RUFY1: variants seen among roughly 807,000 people sequenced by gnomAD.
The protein encoded by RUFY1 is RUN and FYVE domain-containing protein 1.
Under a neutral mutation model 94.6 loss-of-function variants are expected in RUFY1, and 54 were observed. The ratio of observed to expected loss-of-function variants is 0.57; its 90% CI spans 0.46 to 0.72. RUFY1 has a LOEUF of 0.72. Among genes scored for constraint, RUFY1 ranks in the 30% least tolerant of loss-of-function variants. The pLI, the probability that RUFY1 is intolerant of heterozygous loss-of-function variation, is 0.00. For missense variants in RUFY1, 883 were observed against 883.9 expected, an observed-to-expected ratio of 1.00 and a Z score of 0.01; for synonymous variants, 396 against 347.3, an observed-to-expected ratio of 1.14 and a Z score of -1.56.
In RUFY1 at chr5:179,593,495, G is replaced by A. The variant is rs1011801970; in HGVS notation, c.1263G>A (p.Leu421=). The part of the protein sequence containing the change: ...KKVRLELEKE[L]ELQIGMKTEM... The stretch of plus-strand genomic sequence containing the variant: ...CTTTTAAGGAACTGGAAAAAGAACT[G>A]GAGTTACAAATTGGAATGAAAACCG... The change falls in exon 11 of 18, where the codon CTG becomes CTA. Residue 421 remains leucine (L), a synonymous_variant. Transcript: ENST00000319449. 1.9e-6 allele frequency: 3 copies of A among 1,596,066 alleles called. No homozygotes were observed. The highest frequency in any genetic ancestry group is 2.6e-6 in the Non-Finnish European group (3 of 1,163,516).
intron 7 of RUFY1, among the ~76,000 whole-genome samples, chr5:179,582,298 C>T (rs969731600): frequency 1.3e-5 from 2 of 152,020 alleles, no homozygotes; most frequent in Admixed American, 6.6e-5. Context: ...AATCGTGGCT[C>T]ACTGCAGCCT....
At chr5:179,595,265 G>C (rs1014005712) in intron 12 of RUFY1, among the ~76,000 whole-genome samples, 1 of 152,190 alleles carries the variant, frequency 6.6e-6, no homozygotes, top group South Asian at 2.1e-4. Context: ...GGATCACGAG[G>C]TCAGGAGATC....
intron 12 of RUFY1, chr5:179,596,265 A>G: frequency 2.3e-6 from 1 of 438,510 alleles, no homozygotes; most frequent in Non-Finnish European, 4.2e-6. Flanking sequence ...TTATTCTGAG[A>G]AAAAGTCAGT....
chr5:179,607,381 C>G, intron 16 of RUFY1: 1 of 590,810 alleles, frequency 1.7e-6, no homozygotes, highest in Non-Finnish European at 3.0e-6. Context: ...GAGCACGGAG[C>G]TAGGATGCAG....
chr5:179,555,621 C>CTTTTTTTTTTTT, intron 1 of RUFY1: 1 of 247,584 alleles, frequency 4.0e-6, no homozygotes, highest in African/African-American at 4.8e-5. Context: ...AAACTCCCAA[C>CTTTTTTTTTTTT]TTTTTTTTTT....
At chr5:179,608,402 G>A (rs1167061685) in intron 17 of RUFY1, 1 of 985,556 alleles carries the variant, frequency 1.0e-6, no homozygotes, top group Non-Finnish European at 1.2e-6. Context: ...CTGCCTTTGA[G>A]ATCACATGTG....
At chr5:179,599,344 G>A (rs1477714370) in intron 14 of RUFY1, 1 of 152,880 alleles carries the variant, frequency 6.5e-6, no homozygotes, top group Non-Finnish European at 1.5e-5. Context: ...GAGAGTGGGT[G>A]GTAGGCTCGC....
rs112734071 is a variant in RUFY1, at chr5:179,596,579, G to T, written c.1529G>T (p.Arg510Leu). 2 of 1,613,624 alleles carry T rather than the reference G, an allele frequency of 1.2e-6. No homozygotes were observed. Among genetic ancestry groups the T allele is most frequent in the Non-Finnish European group, 1.7e-6 (2 of 1,179,984 alleles). Residue 510 changes from arginine (R) to leucine (L), a missense_variant, in exon 13 of 18, where the codon CGG (arginine) becomes CTG (leucine). Coordinates refer to ENST00000319449, the MANE Select transcript of RUFY1 (RefSeq NM_025158.5). ...GCATCCAGGTTGCAGCACTCGGAGC[G>T]GGCGAGGCAGGGGGCTGAGGAGCGG... ...QMEERLQHSE[R>L]ARQGAEERSH...
intron 10 of RUFY1, among the ~76,000 whole-genome samples, chr5:179,592,479 C>T (rs1177152594): frequency 6.6e-6 from 1 of 152,158 alleles, no homozygotes; most frequent in Non-Finnish European, 1.5e-5. Flanking sequence ...GTCTTGAACT[C>T]CTGACCTCGT....
At chr5:179,571,504 GA>G (rs10710528) in intron 5 of RUFY1, among the ~76,000 whole-genome samples, 56,984 of 134,330 alleles carry the variant, frequency 0.42, 11,282 homozygotes, top group East Asian at 0.73. Flanking sequence ...ACTCTGTCTG[GA>G]AAAAAAAAAA....
intron 8 of RUFY1, 74 bp from the exon 9 acceptor site, chr5:179,589,472 C>T: frequency 1.0e-6 from 1 of 964,946 alleles, no homozygotes; most frequent in Admixed American, 1.9e-5. Context: ...TGTGAAGATG[C>T]CAAATTAATG....
rs754802602 is a variant in RUFY1, at chr5:179,591,714, G to C, written c.1218G>C (p.Gln406His). Residue 406 changes from glutamine (Q) to histidine (H), a missense_variant, in exon 10 of 18, where the codon CAG (glutamine) becomes CAC (histidine). By Grantham distance (24) the Gln-to-His change is conservative. Coordinates refer to ENST00000319449, the MANE Select transcript of RUFY1 (RefSeq NM_025158.5). ...AAATGTACAGTGATGTGTGGAAGCA[G>C]CTAAAAGAGGAGAAGAAAGTCCGGT... ...LDEMYSDVWK[Q>H]LKEEKKVRLE... 1.2e-6 allele frequency: 2 copies of C among 1,609,504 alleles called. No homozygotes were observed. Among genetic ancestry groups the C allele is most frequent in the South Asian group, 2.2e-5 (2 of 90,078 alleles).
At chr5:179,603,213 C>T (rs560780702) in intron 15 of RUFY1, among the ~76,000 whole-genome samples, 32 of 151,730 alleles carry the variant, frequency 2.1e-4, no homozygotes, top group African/African-American at 7.0e-4. Flanking sequence ...TGCAGTAAGC[C>T]GAGATTGCAC....
At chr5:179,571,986 A>C (rs984898235) in intron 5 of RUFY1, among the ~76,000 whole-genome samples, 3 of 151,842 alleles carry the variant, frequency 2.0e-5, no homozygotes, top group African/African-American at 7.3e-5. Context: ...AGTTTTTGGC[A>C]ACCAGATTTA....
chr5:179,604,990 A>G (rs1261884569), intron 15 of RUFY1, among the ~76,000 whole-genome samples: 1 of 150,196 alleles, frequency 6.7e-6, no homozygotes, highest in African/African-American at 2.5e-5. Flanking sequence ...TCTCAAAAAA[A>G]AAAAAGAAAA....
In RUFY1 at chr5:179,577,820, C is replaced by G. The variant is rs976851539; in HGVS notation, c.890+684C>G. Among the ~76,000 whole-genome samples, 3 of 150,384 alleles carry G rather than the reference C, an allele frequency of 2.0e-5. No individual in the cohort carries two copies. The East Asian group carries it at 5.9e-4, about 30-fold the overall frequency. ...GGATGTGCGCACATCGGGTGGTGTC[C>G]CCCGCCTGCCGAACGGGTAATGAGG... On this transcript the variant is annotated intron_variant, in intron 6 of 17. Coordinates refer to ENST00000319449, the MANE Select transcript of RUFY1 (RefSeq NM_025158.5).
intron 4 of RUFY1, 54 bp from the exon 5 acceptor site, chr5:179,569,248 T>C: frequency 6.2e-7 from 1 of 1,610,436 alleles, no homozygotes; most frequent in Non-Finnish European, 8.5e-7. Flanking sequence ...GGGGAAGGAG[T>C]GGGGATGGTG....
rs114486160 is a variant in RUFY1, at chr5:179,554,685, C to T, written c.310+3806C>T. 5.2e-3 allele frequency among the ~76,000 whole-genome samples: 782 copies of T among 151,718 alleles called. 11 individuals carry two copies. Among genetic ancestry groups the T allele is most frequent in the African/African-American group, 0.018 (748 of 41,372 alleles). On this transcript the variant is annotated intron_variant, in intron 1 of 17. Coordinates refer to ENST00000319449, the MANE Select transcript of RUFY1 (RefSeq NM_025158.5). The stretch of plus-strand genomic sequence containing the variant: ...AAATCAAACCATACAAAAGAACATT[C>T]GGACAGGCATGGTGGCTCATGCCTG...
chr5:179,593,358 C>T (rs2127557055), intron 10 of RUFY1, 120 bp from the exon 11 acceptor site: 1 of 1,175,152 alleles, frequency 8.5e-7, no homozygotes, highest in East Asian at 2.6e-5. Flanking sequence ...GGATTACAGG[C>T]ATGAGCCACC....
Sources: gnomAD v4.1 joint callset for allele counts (sites outside exome capture counted in the v4.1 genomes callset) on GRCh38, gnomAD v4.1.1 for gene constraint, MANE v1.5 for transcripts, NCBI Gene and HGNC (gene_info 2026-07-23, HGNC 2026-07-21) for gene names.